Variants in CLPTM1L observed in about 807,000 individuals in gnomAD.
CLPTM1L encodes lipid scramblase CLPTM1L.
Under a neutral mutation model 70.9 loss-of-function variants are expected in CLPTM1L, and 38 were observed. The ratio of observed to expected loss-of-function variants is 0.54; its 90% confidence interval spans 0.41 to 0.70. CLPTM1L has a LOEUF of 0.70. Among genes scored for constraint, CLPTM1L ranks in the 30% least tolerant of loss-of-function variants. The pLI, the probability that CLPTM1L is intolerant of heterozygous loss-of-function variation, is 0.00. For missense variants in CLPTM1L, 652 were observed against 705.9 expected, an observed-to-expected ratio of 0.92 and a Z score of 0.87; for synonymous variants, 339 against 299.9, an observed-to-expected ratio of 1.13 and a Z score of -1.35.
rs970261364 is a variant in CLPTM1L at position 1,331,941 on chromosome 5, G to A, written c.892-58C>T. 18 of 1,406,556 alleles carry A rather than the reference G, an allele frequency of 1.3e-5. No homozygotes were observed. The African/African-American group carries it at 2.0e-4, about 15-fold the overall frequency. 87.1% of individuals were successfully genotyped at this position (1,406,556 alleles called of 1,614,324 possible). ...CTCCTGCTGTTTCCATCTCCTGTGA[G>A]ACAGAGATAGAGGCTTCGTGTGTGA... On this transcript the variant is annotated intron_variant, in intron 7 of 16. Transcript: ENST00000320895.
intron 7 of CLPTM1L, 145 bp downstream of exon 7, chr5:1,334,144 T>C (rs962614222): frequency 2.4e-5 from 14 of 575,684 alleles, no homozygotes; most frequent in South Asian, 2.0e-4. Flanking sequence ...TCAGGCGTGC[T>C]GGCTGCTGAG....
Position 1,344,976 on chromosome 5 carries a change from G to T in CLPTM1L, c.-135C>A, listed in dbSNP as rs1754185371. On this transcript the variant is annotated 5_prime_UTR_variant, in exon 1 of 17. Transcript: ENST00000320895. ...GCGCGCCACCGCCACCGCCGCGGGG[G>T]AACGAATGCGCCGCGCGCCGCAGAC... 2.7e-6 allele frequency: 1 copy of T among 366,966 alleles called. No individual in the cohort carries two copies. Among genetic ancestry groups the T allele is most frequent in the Non-Finnish European group, 3.8e-6 (1 of 266,508 alleles). 22.7% of individuals were successfully genotyped at this position (366,966 alleles called of 1,614,324 possible).
intron 4 of CLPTM1L, 39 bp from the exon 5 acceptor site, chr5:1,338,021 G>A: frequency 6.6e-7 from 1 of 1,522,036 alleles, no homozygotes; most frequent in Non-Finnish European, 9.0e-7. Flanking sequence ...CAGCACCAAG[G>A]CTTTTACCTT....
chr5:1,339,979 T>C (rs1353394924), intron 3 of CLPTM1L, among the ~76,000 whole-genome samples: 7 of 152,190 alleles, frequency 4.6e-5, no homozygotes, highest in African/African-American at 1.7e-4. Context: ...CACCCTAACC[T>C]GTGAACAGAT....
chr5:1,323,218 G>A (rs898508652), intron 12 of CLPTM1L, among the ~76,000 whole-genome samples: 2 of 149,638 alleles, frequency 1.3e-5, no homozygotes, highest in Non-Finnish European at 3.0e-5. Context: ...ACCCTGCCCG[G>A]GCAGCAGAGG....
At position 1,318,245 on chromosome 5, in the gene CLPTM1L, G is replaced by T; in HGVS notation, c.*124C>A. 1 of 745,530 alleles carries T rather than the reference G, an allele frequency of 1.3e-6. No homozygotes were observed. Among genetic ancestry groups the T allele is most frequent in the Non-Finnish European group, 2.3e-6 (1 of 443,030 alleles). The allele number at this position is 745,530 out of a possible 1,614,324, so 46.2% of individuals were successfully genotyped here. On this transcript the variant is annotated 3_prime_UTR_variant, in exon 17 of 17. Coordinates refer to ENST00000320895, the MANE Select transcript of CLPTM1L (RefSeq NM_030782.5). The surrounding 1 kb of genome is among the most constrained non-coding windows in gnomAD (Gnocchi z 8.9). Reference sequence around the variant, plus strand: ...CGTGATGGGAACTTGGGAGATGTCTGAGAAATGTCCGAAGGGATTTTGGCA... The same window carrying T: ...CGTGATGGGAACTTGGGAGATGTCTTAGAAATGTCCGAAGGGATTTTGGCA...
At chr5:1,319,094 G>A (rs374021002) in intron 16 of CLPTM1L, among the ~76,000 whole-genome samples, 117 of 152,260 alleles carry the variant, frequency 7.7e-4, no homozygotes, top group East Asian at 3.7e-3. Context: ...GGCACGCCCC[G>A]GGCCACCTGC....
At chr5:1,336,562 A>G (rs373874675) in intron 5 of CLPTM1L, among the ~76,000 whole-genome samples, 88 of 152,318 alleles carry the variant, frequency 5.8e-4, no homozygotes, top group African/African-American at 2.0e-3. Context: ...GGTGACCACG[A>G]GCTGGTGCCA....
chr5:1,321,896 G>C, intron 13 of CLPTM1L, 77 bp from the exon 14 acceptor site: 1 of 1,397,446 alleles, frequency 7.2e-7, no homozygotes, highest in East Asian at 2.4e-5. Context: ...CACTCACGAG[G>C]TGTGGAGGGC....
intron 9 of CLPTM1L, among the ~76,000 whole-genome samples, chr5:1,329,219 G>A (rs1277566849): frequency 2.6e-5 from 4 of 152,258 alleles, no homozygotes; most frequent in African/African-American, 2.4e-5. Context: ...CCTTTTGGCC[G>A]GCTTTTCTGA....
Position 1,341,633 on chromosome 5 carries a change from G to C in CLPTM1L, c.453+38C>G, listed in dbSNP as rs566323743. The C allele has an allele frequency of 1.9e-5, 29 of 1,543,172 alleles. No individual in the cohort carries two copies. In the East Asian group the frequency reaches 5.7e-4, roughly 30 times the overall value. The stretch of plus-strand genomic sequence containing the variant: ...AAAGACATGTCCGTTCTGACGGAGA[G>C]GCACAGCCTGTTATCAGTAACCCAT... On this transcript the variant is annotated intron_variant, in intron 3 of 16. Coordinates refer to ENST00000320895, the MANE Select transcript of CLPTM1L (RefSeq NM_030782.5).
chr5:1,322,863 G>A lies in CLPTM1L; in HGVS notation c.1315+14C>T. ...GAAACACTAGTACTGAAGCAGGGAAGCACATGGACTCACCGTTGACGAAGC... is the reference window on the plus strand; with the variant it reads ...GAAACACTAGTACTGAAGCAGGGAAACACATGGACTCACCGTTGACGAAGC... On this transcript the variant is annotated intron_variant, in intron 13 of 16. Transcript: ENST00000320895. 1 of 1,613,312 alleles carries A rather than the reference G, an allele frequency of 6.2e-7. No individual in the cohort carries two copies. Among genetic ancestry groups the A allele is most frequent in the Non-Finnish European group, 8.5e-7 (1 of 1,179,298 alleles).
chr5:1,320,462 A>G lies in CLPTM1L; in HGVS notation c.1532+154T>C, dbSNP rs191064776. ...ACATATCATGGGCAACTGGAACCCA[A>G]GTTTAGGCAAGACAGGAAAAACCAC... On this transcript the variant is annotated intron_variant, in intron 16 of 16. Transcript: ENST00000320895. 1.2e-5 allele frequency: 6 copies of G among 490,038 alleles called. No homozygotes were observed. The East Asian group carries it at 1.4e-4, about 11-fold the overall frequency. 30.4% of individuals were successfully genotyped at this position (490,038 alleles called of 1,614,324 possible). A position where few individuals can be genotyped will look rare whatever the true frequency, so the allele number is the denominator to read the frequency against.
intron 9 of CLPTM1L, among the ~76,000 whole-genome samples, chr5:1,328,844 T>G (rs1421518069): frequency 4.6e-5 from 7 of 151,418 alleles, no homozygotes; most frequent in African/African-American, 1.7e-4. Flanking sequence ...GCTCCTCCTC[T>G]ACAGACACAT....
intron 5 of CLPTM1L, among the ~76,000 whole-genome samples, chr5:1,337,409 G>A (rs959801352): frequency 2.0e-5 from 3 of 152,220 alleles, no homozygotes; most frequent in Non-Finnish European, 4.4e-5. Flanking sequence ...ACTTCTATTC[G>A]CAAAGGCCTT....
chr5:1,337,254 T>A (rs367841834), intron 5 of CLPTM1L, among the ~76,000 whole-genome samples: 88 of 152,362 alleles, frequency 5.8e-4, no homozygotes, highest in African/African-American at 2.0e-3. Flanking sequence ...TCATGTGCAG[T>A]AAGAGACATT....
chr5:1,325,959 A>G lies in CLPTM1L; in HGVS notation c.1081-143T>C, dbSNP rs1368840585. 4 of 677,164 alleles carry G rather than the reference A, an allele frequency of 5.9e-6. No individual in the cohort carries two copies. The African/African-American group carries it at 7.2e-5, about 12-fold the overall frequency. 41.9% of individuals were successfully genotyped at this position (677,164 alleles called of 1,614,324 possible). ...CCTCTTCCTGTCCCTCCCACAGCTC[A>G]GGCCAGAGCGCTGGAGGCTGGACCT... On this transcript the variant is annotated intron_variant, in intron 9 of 16. Coordinates refer to ENST00000320895, the MANE Select transcript of CLPTM1L (RefSeq NM_030782.5).
intron 11 of CLPTM1L, 153 bp from the exon 12 acceptor site, chr5:1,324,022 AG>A: frequency 1.6e-6 from 1 of 644,390 alleles, no homozygotes; most frequent in Non-Finnish European, 2.8e-6. Context: ...TGAGGGGCAC[AG>A]GCAGGGCATC....
intron 16 of CLPTM1L, among the ~76,000 whole-genome samples, chr5:1,319,571 C>T (rs973102269): frequency 6.6e-6 from 1 of 152,192 alleles, no homozygotes; most frequent in Admixed American, 6.5e-5. Context: ...AGGGCCGGCA[C>T]CCCGGACCTA....
Sources: gnomAD v4.1 joint callset for allele counts (sites outside exome capture counted in the v4.1 genomes callset) on GRCh38, gnomAD v4.1.1 for gene constraint, Gnocchi (gnomAD v3.1) non-coding constraint, MANE v1.5 for transcripts, NCBI Gene and HGNC (gene_info 2026-07-23, HGNC 2026-07-21) for gene names.